The following CPPED1 variants were observed in gnomAD, a reference collection of about 807,000 sequenced individuals.
CPPED1 encodes the protein calcineurin like phosphoesterase domain containing 1.
CPPED1 carries 28 observed loss-of-function variants against 28.0 expected under a neutral mutation model. The observed-to-expected ratio is 1.00, with a 90% CI of 0.74 to 1.37. CPPED1 has a LOEUF of 1.37. Among genes scored for constraint, CPPED1 ranks in the 40% most tolerant of loss-of-function variants. CPPED1 has a pLI of 0.00. For synonymous variants in CPPED1, 198 were observed against 180.2 expected, an observed-to-expected ratio of 1.10 and a Z score of -0.79; for missense variants, 504 against 416.5, an observed-to-expected ratio of 1.21 and a Z score of -1.83.
In CPPED1 at chr16:12,660,380, G is replaced by A. The variant is rs193229409; in HGVS notation, c.*4506C>T. 3.9e-5 allele frequency: 6 copies of A among 152,266 alleles called. No homozygotes were observed. Among genetic ancestry groups the A allele is most frequent in the Admixed American group, 2.6e-4 (4 of 15,302 alleles). 9.4% of individuals were successfully genotyped at this position (152,266 alleles called of 1,614,324 possible). ...GGAAAAATCCAATCTGTATTTATGTGCATGCACTGATGTTTAAAAATCCAC... is the reference window on the plus strand; with the variant it reads ...GGAAAAATCCAATCTGTATTTATGTACATGCACTGATGTTTAAAAATCCAC... On this transcript the variant is annotated 3_prime_UTR_variant, in exon 4 of 4. Transcript: ENST00000381774.
chr16:12,677,718 TC>T (rs1252465346), intron 3 of CPPED1, among the ~76,000 whole-genome samples: 1 of 152,224 alleles, frequency 6.6e-6, no homozygotes, highest in African/African-American at 2.4e-5. Context: ...TCCCATCACT[TC>T]CGGCTTCAGC....
In CPPED1 at chr16:12,780,341, A is replaced by G. The variant is rs148610044; in HGVS notation, c.289+844T>C. On this transcript the variant is annotated intron_variant, in intron 2 of 3. Coordinates refer to ENST00000381774, the MANE Select transcript of CPPED1 (RefSeq NM_018340.3). The stretch of plus-strand genomic sequence containing the variant: ...ACTACATGCACCACCACGTCTGGCT[A>G]ATTTTTGTATTTTTAGTAGAGACGG... Among the ~76,000 whole-genome samples the G allele has an allele frequency of 6.6e-3, 997 of 152,072 alleles. 10 individuals carry two copies. Among genetic ancestry groups the G allele is most frequent in the African/African-American group, 0.022 (921 of 41,478 alleles).
chr16:12,758,691 C>A (rs1393897852), intron 2 of CPPED1, among the ~76,000 whole-genome samples: 1 of 152,138 alleles, frequency 6.6e-6, no homozygotes, highest in Non-Finnish European at 1.5e-5. Flanking sequence ...GAGATGAAAG[C>A]CTGGCCAAAG....
rs992298841 is a variant in CPPED1, at chr16:12,767,438, T to C, written c.289+13747A>G. Among the ~76,000 whole-genome samples, 3 of 152,172 alleles carry C rather than the reference T, an allele frequency of 2.0e-5. No individual in the cohort carries two copies. In the East Asian group the frequency reaches 5.8e-4, roughly 29 times the overall value. ...CCCAGAAATCATGTCTTCTCAGCTA[T>C]CTGGGCACCTCCTAGCCCAGCCAGG... On this transcript the variant is annotated intron_variant, in intron 2 of 3. Coordinates refer to ENST00000381774, the MANE Select transcript of CPPED1 (RefSeq NM_018340.3).
At chr16:12,798,176 T>C (rs944081082) in intron 1 of CPPED1, among the ~76,000 whole-genome samples, 1 of 152,186 alleles carries the variant, frequency 6.6e-6, no homozygotes, top group African/African-American at 2.4e-5. Flanking sequence ...TCTGGAAATG[T>C]TATAGTGCAA....
intron 2 of CPPED1, among the ~76,000 whole-genome samples, chr16:12,705,716 C>A (rs557658893): frequency 1.3e-5 from 2 of 152,310 alleles, no homozygotes; most frequent in East Asian, 3.9e-4. Context: ...CAAGATCACG[C>A]CATTGCACTC....
chr16:12,711,494 AC>A (rs1487089232), intron 2 of CPPED1, among the ~76,000 whole-genome samples: 2 of 152,228 alleles, frequency 1.3e-5, no homozygotes, highest in African/African-American at 4.8e-5. Flanking sequence ...ATGTAACGTT[AC>A]GTATATTCTG....
At chr16:12,764,427 T>G (rs1433867167) in intron 2 of CPPED1, among the ~76,000 whole-genome samples, 1 of 152,138 alleles carries the variant, frequency 6.6e-6, no homozygotes, top group Non-Finnish European at 1.5e-5. Flanking sequence ...GGTCTCGAAT[T>G]CCTGAGCTCA....
chr16:12,781,214 A>C lies in CPPED1; in HGVS notation c.260T>G (p.Leu87Arg), dbSNP rs755347772. ...KLNPKPKFFVLCGDLIHAMPG... is the reference protein window; with the variant it reads ...KLNPKPKFFVRCGDLIHAMPG... ...CATGGCGTGGATGAGGTCGCCGCACAGAACGAAGAATTTGGGTTTGGGGTT... is the reference window on the plus strand; with the variant it reads ...CATGGCGTGGATGAGGTCGCCGCACCGAACGAAGAATTTGGGTTTGGGGTT... The change falls in exon 2 of 4, where the codon CTG (leucine) becomes CGG (arginine). Residue 87 changes from leucine to arginine, a missense_variant. Coordinates refer to ENST00000381774, the MANE Select transcript of CPPED1 (RefSeq NM_018340.3). The C allele has an allele frequency of 6.2e-7, 1 of 1,613,968 alleles. No individual in the cohort carries two copies. Among genetic ancestry groups the C allele is most frequent in the Non-Finnish European group, 8.5e-7 (1 of 1,179,952 alleles).
intron 1 of CPPED1, among the ~76,000 whole-genome samples, chr16:12,790,206 C>T (rs2080588078): frequency 6.6e-6 from 1 of 152,220 alleles, no homozygotes; most frequent in African/African-American, 2.4e-5. Context: ...GACAGATATT[C>T]AAATTGCAAT....
At chr16:12,778,495 T>C (rs4500713) in intron 2 of CPPED1, among the ~76,000 whole-genome samples, 36,057 of 151,790 alleles carry the variant, frequency 0.24, 4,673 homozygotes, top group East Asian at 0.3. Context: ...AGGCTGGTCT[T>C]GAATTCCTGA....
Position 12,708,632 on chromosome 16 carries a change from A to G in CPPED1, c.290-3583T>C, listed in dbSNP as rs193036696. 1.4e-3 allele frequency among the ~76,000 whole-genome samples: 214 copies of G among 152,372 alleles called. 4 individuals are homozygous for G. The highest frequency in any genetic ancestry group is 2.5e-3 in the Non-Finnish European group (170 of 68,040). On this transcript the variant is annotated intron_variant, in intron 2 of 3. Transcript: ENST00000381774. ...CTGGAAATAAAAGAGTAAATCCTAGATTACAAAAACCCAAGTTGAATGCCA... is the reference window on the plus strand; with the variant it reads ...CTGGAAATAAAAGAGTAAATCCTAGGTTACAAAAACCCAAGTTGAATGCCA...
chr16:12,792,006 C>G (rs945258350), intron 1 of CPPED1, among the ~76,000 whole-genome samples: 1 of 151,530 alleles, frequency 6.6e-6, no homozygotes, highest in Non-Finnish European at 1.5e-5. Flanking sequence ...GGCTGAAATG[C>G]AGTGGCACGA....
chr16:12,705,447 A>G (rs2080044777), intron 2 of CPPED1, among the ~76,000 whole-genome samples: 2 of 152,314 alleles, frequency 1.3e-5, no homozygotes, highest in South Asian at 4.1e-4. Context: ...CACTACAGTG[A>G]GACCCTGTCT....
chr16:12,732,737 C>A (rs1455797075), intron 2 of CPPED1, among the ~76,000 whole-genome samples: 1 of 152,132 alleles, frequency 6.6e-6, no homozygotes, highest in African/African-American at 2.4e-5. Flanking sequence ...GAGACAAAGC[C>A]TTCAAAATTC....
Position 12,667,525 on chromosome 16 carries a change from G to A in CPPED1, c.716-2410C>T, listed in dbSNP as rs150225444. On this transcript the variant is annotated intron_variant, in intron 3 of 3. Coordinates refer to ENST00000381774, the MANE Select transcript of CPPED1 (RefSeq NM_018340.3). ...TCCCTGTACTTTGAGAGGCTGAGGT[G>A]CAAGAATTGCTTGATGCCAGGAGTA... 1.1e-3 allele frequency among the ~76,000 whole-genome samples: 161 copies of A among 152,290 alleles called. 3 individuals carry two copies. The highest frequency in any genetic ancestry group is 3.4e-3 in the Middle Eastern group (1 of 294).
chr16:12,777,417 G>A (rs1321002242), intron 2 of CPPED1, among the ~76,000 whole-genome samples: 2 of 152,194 alleles, frequency 1.3e-5, no homozygotes, highest in Non-Finnish European at 2.9e-5. Context: ...CGATACCTCA[G>A]CATCAGGAGG....
In CPPED1 at chr16:12,682,961, T is replaced by C. The variant is rs1343835053; in HGVS notation, c.716-17846A>G. Among the ~76,000 whole-genome samples, 2 of 152,222 alleles carry C rather than the reference T, an allele frequency of 1.3e-5. No homozygotes were observed. The highest frequency in any genetic ancestry group is 2.9e-5 in the Non-Finnish European group (2 of 68,040). On this transcript the variant is annotated intron_variant, in intron 3 of 3. Transcript: ENST00000381774. This position sits in a 1 kb window ranked among gnomAD's most constrained non-coding sequence, Gnocchi z 6.1. ...ACAAGAGGCTCATTAAAAAGATTGT[T>C]TTGACTGACAGAATGTTCGTGTATC...
At position 12,682,858 on chromosome 16, in the gene CPPED1, G is replaced by A. The variant is rs1454932129; in HGVS notation, c.716-17743C>T. On this transcript the variant is annotated intron_variant, in intron 3 of 3. Coordinates refer to ENST00000381774, the MANE Select transcript of CPPED1 (RefSeq NM_018340.3). The surrounding 1 kb of genome is among the most constrained non-coding windows in gnomAD (Gnocchi z 6.1). The stretch of plus-strand genomic sequence containing the variant: ...GCAGCTTGCGTGTGAAATGGAGCGT[G>A]GGGCCCACATTAAGGTTTCAATCCA... Among the ~76,000 whole-genome samples, 2 of 152,160 alleles carry A rather than the reference G, an allele frequency of 1.3e-5. No homozygotes were observed. The highest frequency in any genetic ancestry group is 1.3e-4 in the Admixed American group (2 of 15,278).
Sources: allele counts gnomAD v4.1 joint callset (sites outside exome capture counted in the v4.1 genomes callset), GRCh38; gene constraint gnomAD v4.1.1; non-coding constraint Gnocchi (gnomAD v3.1); transcripts MANE v1.5; gene names NCBI Gene and HGNC (gene_info 2026-07-23, HGNC 2026-07-21).